The following DAB1 variants were observed in gnomAD, a reference collection of about 807,000 sequenced individuals.
DAB1 encodes DAB adaptor protein 1, also known as disabled homolog 1.
In DAB1, 15 loss-of-function variants were observed where a neutral mutation model predicts 64.6. The ratio of observed to expected loss-of-function variants is 0.23; its 90% CI spans 0.16 to 0.36. The LOEUF is 0.36. DAB1 is among the 10% of genes least tolerant of loss of function. DAB1 has a pLI of 1.00. For missense variants in DAB1, 596 were observed against 706.7 expected, an observed-to-expected ratio of 0.84 and a Z score of 1.78; for synonymous variants, 235 against 251.9, an observed-to-expected ratio of 0.93 and a Z score of 0.64.
At chr1:57,007,516 G>GA (rs754129537) in intron 14 of DAB1, among the ~76,000 whole-genome samples, 6 of 152,056 alleles carry the variant, frequency 3.9e-5, no homozygotes, top group African/African-American at 1.2e-4. Context: ...AGGGTAGGGG[G>GA]AAAAAAGTGA....
At chr1:57,343,304 C>T (rs979734073) in intron 1 of DAB1, among the ~76,000 whole-genome samples, 9 of 152,170 alleles carry the variant, frequency 5.9e-5, no homozygotes, top group Admixed American at 2.0e-4. Context: ...AGATATAGAG[C>T]GCCGATTGGT....
At chr1:57,000,777 G>A (rs909022258) in intron 14 of DAB1, among the ~76,000 whole-genome samples, 1 of 152,186 alleles carries the variant, frequency 6.6e-6, no homozygotes, top group African/African-American at 2.4e-5. Flanking sequence ...GCCCCAAGAA[G>A]TCAGGCTGCC....
Position 57,230,789 on chromosome 1 carries a change from G to A in DAB1, c.67+60175C>T, listed in dbSNP as rs182783882. Among the ~76,000 whole-genome samples, 1,420 of 152,066 alleles carry A rather than the reference G, an allele frequency of 9.3e-3. 7 individuals are homozygous for A. Among genetic ancestry groups the A allele is most frequent in the South Asian group, 0.023 (111 of 4,804 alleles). On this transcript the variant is annotated intron_variant, in intron 2 of 14. Transcript: ENST00000371236. ...ACAATTCTTCTCTTCTAGCTATTTT[G>A]AAATATATAATAAATTATTAACTAT...
rs371334388 is a variant in DAB1, at chr1:57,010,719, A to G, written c.1644T>C (p.Asn548=). 2 of 1,590,996 alleles carry G rather than the reference A, an allele frequency of 1.3e-6. No homozygotes were observed. Among genetic ancestry groups the G allele is most frequent in the South Asian group, 1.1e-5 (1 of 87,934 alleles). ...TCTAGCTACCGGCCTGTGGACTTAT[A>G]TTATCACCACTGGGCTCCCCACTGG... ...GEPSGEPSGD[N]ISPQAGS The change falls in exon 14 of 15, where the codon AAT becomes AAC. Residue 548 remains asparagine, a synonymous_variant. Transcript: ENST00000371236.
At chr1:58,289,634 G>A (rs1661768506) in intron 4 of DAB1, among the ~76,000 whole-genome samples, 1 of 152,156 alleles carries the variant, frequency 6.6e-6, no homozygotes. Context: ...TAAAATAAGA[G>A]AAGCTCTTCT....
intron 3 of DAB1, among the ~76,000 whole-genome samples, chr1:58,369,293 C>T (rs1924560): frequency 0.032 from 4,891 of 152,136 alleles, 257 homozygotes; most frequent in African/African-American, 0.11. Flanking sequence ...TTTGTCTCGC[C>T]GTTTCCTTCT....
chr1:57,356,412 G>A (rs559427843), intron 1 of DAB1, among the ~76,000 whole-genome samples: 2 of 152,150 alleles, frequency 1.3e-5, no homozygotes, highest in African/African-American at 2.4e-5. Context: ...GACATATAGA[G>A]CAAGTCCTCA....
At chr1:57,515,831 T>C (rs1184782107) in intron 7 of DAB1, among the ~76,000 whole-genome samples, 1 of 152,140 alleles carries the variant, frequency 6.6e-6, no homozygotes, top group Non-Finnish European at 1.5e-5. Flanking sequence ...GCCTAACAGG[T>C]CTTCATGCTA....
intron 14 of DAB1, among the ~76,000 whole-genome samples, chr1:56,999,671 T>C (rs980510703): frequency 1.3e-5 from 2 of 152,182 alleles, no homozygotes; most frequent in African/African-American, 4.8e-5. Context: ...TGGCCCATCA[T>C]TGTACAGATG....
chr1:57,654,744 T>A (rs1646296709), intron 6 of DAB1, among the ~76,000 whole-genome samples: 1 of 152,190 alleles, frequency 6.6e-6, no homozygotes, highest in Non-Finnish European at 1.5e-5. Flanking sequence ...TGCTTTTGCA[T>A]TCTCTATTTT....
chr1:58,373,422 G>T (rs988217677), intron 3 of DAB1, among the ~76,000 whole-genome samples: 1 of 148,584 alleles, frequency 6.7e-6, no homozygotes, highest in Non-Finnish European at 1.5e-5. Flanking sequence ...AATATGCGGT[G>T]TTTGGTTTTT....
chr1:57,690,616 T>C (rs1646752773), intron 6 of DAB1, among the ~76,000 whole-genome samples: 1 of 152,144 alleles, frequency 6.6e-6, no homozygotes, highest in South Asian at 2.1e-4. Flanking sequence ...GTCTCAGGTA[T>C]TTCTTTATAG....
At chr1:58,523,866 T>G (rs1646307642) in intron 2 of DAB1, among the ~76,000 whole-genome samples, 1 of 152,038 alleles carries the variant, frequency 6.6e-6, no homozygotes, top group African/African-American at 2.4e-5. Context: ...ACCACTGCAC[T>G]CCAGCCTGGG....
intron 1 of DAB1, chr1:58,527,367 GAC>G (rs1235744942): frequency 1.2e-6 from 1 of 862,742 alleles, no homozygotes; most frequent in African/African-American, 1.6e-5. Flanking sequence ...GCTCCATTAA[GAC>G]AATTTATTTC....
chr1:58,081,088 G>A (rs1649967139), intron 5 of DAB1, among the ~76,000 whole-genome samples: 1 of 152,104 alleles, frequency 6.6e-6, no homozygotes, highest in Non-Finnish European at 1.5e-5. Context: ...CCACAGGCTG[G>A]GCTCAAATTA....
intron 1 of DAB1, among the ~76,000 whole-genome samples, chr1:57,403,439 C>T (rs1035715819): frequency 6.6e-6 from 1 of 152,144 alleles, no homozygotes. Flanking sequence ...TAGGCTACAC[C>T]TGGACTTGTT....
chr1:57,017,191 C>T lies in DAB1; in HGVS notation c.896-1760G>A, dbSNP rs1342616097. Among the ~76,000 whole-genome samples the T allele has an allele frequency of 2.0e-5, 3 of 152,106 alleles. No individual in the cohort carries two copies. The South Asian group carries it at 6.2e-4, about 32-fold the overall frequency. On this transcript the variant is annotated intron_variant, in intron 11 of 14. Coordinates refer to ENST00000371236, the MANE Select transcript of DAB1 (RefSeq NM_001365792.1). Reference sequence around the variant, plus strand: ...TTCTCAGGGGACACAATGGCCACCTCTATGTGCAGTTGAGCCTGAGAGACA... The same window carrying T: ...TTCTCAGGGGACACAATGGCCACCTTTATGTGCAGTTGAGCCTGAGAGACA...
At chr1:58,329,330 G>T (rs1334997185) in intron 4 of DAB1, among the ~76,000 whole-genome samples, 1 of 152,088 alleles carries the variant, frequency 6.6e-6, no homozygotes. Context: ...AATTCCAACA[G>T]ATTTTATTAT....
At chr1:57,741,248 A>C (rs1197601444) in intron 6 of DAB1, among the ~76,000 whole-genome samples, 2 of 152,178 alleles carry the variant, frequency 1.3e-5, no homozygotes, top group Non-Finnish European at 2.9e-5. Context: ...CTACTATTCC[A>C]TCATTCCACA....
Sources: gnomAD v4.1 joint callset for allele counts (sites outside exome capture counted in the v4.1 genomes callset) on GRCh38, gnomAD v4.1.1 for gene constraint, MANE v1.5 for transcripts, NCBI Gene and HGNC (gene_info 2026-07-23, HGNC 2026-07-21) for gene names.